FHIT: variants seen among roughly 807,000 people sequenced by gnomAD.
The protein encoded by FHIT is bis(5'-adenosyl)-triphosphatase.
A neutral mutation model predicts 17.9 loss-of-function variants in FHIT; 19 were observed. The observed-to-expected ratio is 1.06, with a 90% confidence interval of 0.74 to 1.56. FHIT has a LOEUF of 1.56. FHIT is among the 40% of genes most tolerant of loss of function. The pLI, the probability that FHIT is intolerant of heterozygous loss-of-function variation, is 0.00. For synonymous variants in FHIT, 81 were observed against 69.7 expected (o/e 1.16, Z -0.81); for missense variants, 248 against 189.2 (o/e 1.31, Z -1.82).
intron 1 of FHIT, among the ~76,000 whole-genome samples, chr3:61,205,008 TCTC>T (rs2039170482): frequency 1.5e-5 from 2 of 137,292 alleles, no homozygotes; most frequent in Non-Finnish European, 3.1e-5. Flanking sequence ...TGTGTGATGT[TCTC>T]CTTCCTGTGT....
At chr3:61,083,951 TGATGCTTG>T (rs1344993923) in intron 2 of FHIT, among the ~76,000 whole-genome samples, 1 of 151,958 alleles carries the variant, frequency 6.6e-6, no homozygotes, top group East Asian at 1.9e-4. Flanking sequence ...TTAGATGAAA[TGATGCTTG>T]GATAGTGTTT....
At chr3:60,245,626 T>C (rs567201137) in intron 5 of FHIT, among the ~76,000 whole-genome samples, 138 of 152,228 alleles carry the variant, frequency 9.1e-4, no homozygotes, top group African/African-American at 2.6e-3. Flanking sequence ...GAGGATGATA[T>C]AGTCATTTGT....
chr3:60,033,941 G>A (rs557654612), intron 5 of FHIT, among the ~76,000 whole-genome samples: 4 of 152,312 alleles, frequency 2.6e-5, no homozygotes, highest in Non-Finnish European at 5.9e-5. Flanking sequence ...GTAGCTTTCA[G>A]CTTCATCTAA....
intron 5 of FHIT, among the ~76,000 whole-genome samples, chr3:60,030,598 T>A (rs1386583974): frequency 6.6e-6 from 1 of 152,222 alleles, no homozygotes; most frequent in East Asian, 1.9e-4. Flanking sequence ...TTGTTTTCTA[T>A]TGAGAATGCA....
At chr3:61,157,719 A>T (rs1403789254) in intron 2 of FHIT, among the ~76,000 whole-genome samples, 5 of 152,192 alleles carry the variant, frequency 3.3e-5, no homozygotes, top group Admixed American at 3.3e-4. Flanking sequence ...TTGCCAGTAG[A>T]GCCATGTTTT....
At position 60,027,144 on chromosome 3, in the gene FHIT, C is replaced by CAAAAAA. The variant is rs1366510677; in HGVS notation, c.104-12993_104-12992insTTTTTT. ...ACACACACACACACACACACACACA[C>CAAAAAA]ACACAAAATTAGTAAACCCAATAAT... On this transcript the variant is annotated intron_variant, in intron 5 of 9. Coordinates refer to ENST00000492590, the MANE Select transcript of FHIT (RefSeq NM_002012.4). Among the ~76,000 whole-genome samples, 39 of 118,200 alleles carry CAAAAAA rather than the reference C, an allele frequency of 3.3e-4. 1 individual carries two copies. The highest frequency in any genetic ancestry group is 8.6e-4 in the African/African-American group (27 of 31,574). The allele number at this position is 118,200 out of a possible 152,430, so 77.5% of individuals were successfully genotyped here. A position where few individuals can be genotyped will look rare whatever the true frequency, so the allele number is the denominator to read the frequency against.
chr3:60,311,760 A>C (rs1411861931), intron 5 of FHIT, among the ~76,000 whole-genome samples: 1 of 152,178 alleles, frequency 6.6e-6, no homozygotes, highest in East Asian at 1.9e-4. Flanking sequence ...AGGCCCTCTC[A>C]ATAAAATGAC....
intron 5 of FHIT, among the ~76,000 whole-genome samples, chr3:60,416,476 C>G (rs1702252440): frequency 6.6e-6 from 1 of 152,124 alleles, no homozygotes; most frequent in African/African-American, 2.4e-5. Context: ...CATGATAACT[C>G]AAGTCTACCA....
At chr3:59,812,225 A>G (rs72888516) in intron 8 of FHIT, among the ~76,000 whole-genome samples, 4,849 of 152,224 alleles carry the variant, frequency 0.032, 272 homozygotes, top group African/African-American at 0.11. Context: ...ACTAGTGCCA[A>G]TGTCATGGAA....
chr3:60,162,230 A>T (rs776509588), intron 5 of FHIT, among the ~76,000 whole-genome samples: 1 of 152,134 alleles, frequency 6.6e-6, no homozygotes, highest in Non-Finnish European at 1.5e-5. Context: ...CATTTTCAAT[A>T]TTTTTTAAAA....
At chr3:60,453,621 C>A (rs2031893200) in intron 5 of FHIT, among the ~76,000 whole-genome samples, 1 of 152,118 alleles carries the variant, frequency 6.6e-6, no homozygotes, top group South Asian at 2.1e-4. Flanking sequence ...AATCCTAGCC[C>A]TGACTCTATG....
intron 2 of FHIT, among the ~76,000 whole-genome samples, chr3:61,060,013 T>C (rs1366286564): frequency 6.6e-6 from 1 of 152,082 alleles, no homozygotes; most frequent in Non-Finnish European, 1.5e-5. Flanking sequence ...GGTGTGTAGG[T>C]GAGTGGGTCC....
intron 7 of FHIT, among the ~76,000 whole-genome samples, chr3:59,949,284 C>T (rs1372748563): frequency 1.3e-5 from 2 of 152,200 alleles, no homozygotes; most frequent in Non-Finnish European, 2.9e-5. Flanking sequence ...TCACATAGGA[C>T]CTTTTATCCT....
chr3:61,044,204 G>A (rs1044974259), intron 2 of FHIT, among the ~76,000 whole-genome samples: 51 of 152,094 alleles, frequency 3.4e-4, no homozygotes, highest in Admixed American at 3.3e-3. Flanking sequence ...GAGGATGTTC[G>A]AACCCATCAC....
chr3:60,187,574 G>A (rs1702209704), intron 5 of FHIT, among the ~76,000 whole-genome samples: 1 of 152,080 alleles, frequency 6.6e-6, no homozygotes. Context: ...TACAAAAATG[G>A]CATTCTGCTG....
At chr3:60,634,965 G>A (rs1407408949) in intron 4 of FHIT, among the ~76,000 whole-genome samples, 3 of 152,092 alleles carry the variant, frequency 2.0e-5, no homozygotes, top group African/African-American at 4.8e-5. Context: ...TCAAACACCT[G>A]GGCTCAAGCA....
intron 5 of FHIT, among the ~76,000 whole-genome samples, chr3:60,028,205 T>G (rs1700837130): frequency 6.6e-6 from 1 of 152,174 alleles, no homozygotes; most frequent in Non-Finnish European, 1.5e-5. Context: ...CTATGTGTAA[T>G]TCTCTTCTAT....
intron 5 of FHIT, among the ~76,000 whole-genome samples, chr3:60,101,981 T>TG (rs1476204583): frequency 2.6e-5 from 4 of 152,220 alleles, no homozygotes; most frequent in Non-Finnish European, 2.9e-5. Context: ...TCAGTTTAAT[T>TG]GTTACTTCCT....
chr3:60,568,691 G>C (rs187579180), intron 4 of FHIT, among the ~76,000 whole-genome samples: 2 of 152,116 alleles, frequency 1.3e-5, no homozygotes, highest in South Asian at 2.1e-4. Flanking sequence ...AAAGCAAAAT[G>C]AACTAAACCT....
Sources: allele counts gnomAD v4.1 joint callset (sites outside exome capture counted in the v4.1 genomes callset), GRCh38; gene constraint gnomAD v4.1.1; transcripts MANE v1.5; gene names NCBI Gene and HGNC (gene_info 2026-07-23, HGNC 2026-07-21).